LYPD6B: variants seen among roughly 807,000 people sequenced by gnomAD.
LYPD6B encodes the protein ly6/PLAUR domain-containing protein 6B.
LYPD6B carries 17 observed loss-of-function variants against 22.8 expected under a neutral mutation model. That is an observed-to-expected ratio of 0.75 (90% confidence interval 0.51 to 1.12). The LOEUF (loss-of-function observed/expected upper bound fraction) is 1.12, where lower values mean the gene tolerates loss of function less well. Among genes scored for constraint, LYPD6B ranks in the 50% most tolerant of loss-of-function variants. LYPD6B has a pLI of 0.00. For missense variants in LYPD6B, 221 were observed against 258.3 expected (o/e 0.86, Z 0.99); for synonymous variants, 106 against 91.6 (o/e 1.16, Z -0.90).
intron 1 of LYPD6B, among the ~76,000 whole-genome samples, chr2:149,104,157 G>GC (rs1686354176): frequency 6.6e-6 from 1 of 152,112 alleles, no homozygotes; most frequent in African/African-American, 2.4e-5. Context: ...TTTGCCTGTT[G>GC]ATGGACATTT....
chr2:149,074,268 G>GCACA (rs60123351), intron 1 of LYPD6B, among the ~76,000 whole-genome samples: 15 of 150,540 alleles, frequency 1.0e-4, no homozygotes, highest in East Asian at 7.8e-4. Flanking sequence ...ACGCATGCAT[G>GCACA]CACACACACA....
chr2:149,160,819 A>G lies in LYPD6B; in HGVS notation c.61A>G (p.Thr21Ala), dbSNP rs1355227802. 1.3e-6 allele frequency: 2 copies of G among 1,554,042 alleles called. No homozygotes were observed. The highest frequency in any genetic ancestry group is 2.4e-5 in the East Asian group (1 of 41,436). The change falls in exon 3 of 7, where the codon ACA (threonine) becomes GCA (alanine). Residue 21 changes from threonine to alanine, a missense_variant. By Grantham distance (58) the Thr-to-Ala change is moderately conservative. Transcript: ENST00000409642. The part of the protein sequence containing the change: ...FTVPERSLTT[T>A]FSFSRYKSSD... ...TGTTCCAGAGAGGAGCCTGACAACC[A>G]CATTCTCCTTCTCAAGGTAAGAATG...
At chr2:149,064,124 T>C (rs1684218611) in intron 1 of LYPD6B, among the ~76,000 whole-genome samples, 2 of 152,332 alleles carry the variant, frequency 1.3e-5, no homozygotes, top group African/African-American at 4.8e-5. Flanking sequence ...AACCAGCTTT[T>C]CTGATATAGC....
chr2:149,083,777 C>T lies in LYPD6B; in HGVS notation c.-67+44976C>T, dbSNP rs566339770. ...AGCTGATGACTAGTGGATCTTTCCGCTGTAGAAGTACACTTTAGGCCGGGT... is the reference window on the plus strand; with the variant it reads ...AGCTGATGACTAGTGGATCTTTCCGTTGTAGAAGTACACTTTAGGCCGGGT... On this transcript the variant is annotated intron_variant, in intron 1 of 6. Transcript: ENST00000409642. Among the ~76,000 whole-genome samples, 10 of 152,214 alleles carry T rather than the reference C, an allele frequency of 6.6e-5. No homozygotes were observed. In the South Asian group the frequency reaches 2.1e-3, roughly 32 times the overall value.
At chr2:149,073,827 C>CCTCT (rs564872235) in intron 1 of LYPD6B, among the ~76,000 whole-genome samples, 284 of 151,910 alleles carry the variant, frequency 1.9e-3, no homozygotes, top group African/African-American at 6.6e-3. Context: ...TGTTGCTGAT[C>CCTCT]CTCTGAGTTA....
intron 1 of LYPD6B, among the ~76,000 whole-genome samples, chr2:149,091,855 T>C (rs927433619): frequency 6.6e-6 from 1 of 152,198 alleles, no homozygotes. Flanking sequence ...TTTTAAGATA[T>C]GTGACAAATT....
chr2:149,178,910 T>C (rs2105975579), intron 3 of LYPD6B, among the ~76,000 whole-genome samples: 1 of 152,330 alleles, frequency 6.6e-6, no homozygotes, highest in East Asian at 1.9e-4. Context: ...GATTGCTTTT[T>C]AAAATCAAGC....
In LYPD6B at chr2:149,184,068, T is replaced by C. The variant is rs191067671; in HGVS notation, c.78-21185T>C. ...TTAGCCGGGCATGGTGGCGCATGCC[T>C]GTGATCCCAGCTACTCGGGAGGCTG... is the stretch of plus-strand genomic sequence containing the variant. On this transcript the variant is annotated intron_variant, in intron 3 of 6. Coordinates refer to ENST00000409642, the MANE Select transcript of LYPD6B (RefSeq NM_177964.5). Among the ~76,000 whole-genome samples the C allele has an allele frequency of 9.0e-3, 1,363 of 152,138 alleles. 16 individuals are homozygous for C. The highest frequency in any genetic ancestry group is 0.015 in the Non-Finnish European group (1,044 of 68,008).
chr2:149,074,965 T>G (rs1465630221), intron 1 of LYPD6B, among the ~76,000 whole-genome samples: 1 of 152,238 alleles, frequency 6.6e-6, no homozygotes, highest in Non-Finnish European at 1.5e-5. Flanking sequence ...GTCATATATA[T>G]TTTGTTAATA....
At chr2:149,113,307 G>T (rs1686849778) in intron 1 of LYPD6B, among the ~76,000 whole-genome samples, 2 of 152,118 alleles carry the variant, frequency 1.3e-5, no homozygotes, top group South Asian at 4.1e-4. Context: ...CCTACTTAAA[G>T]GATGTGGAAT....
intron 1 of LYPD6B, among the ~76,000 whole-genome samples, chr2:149,047,065 C>G (rs1683341268): frequency 6.6e-6 from 1 of 152,170 alleles, no homozygotes; most frequent in Non-Finnish European, 1.5e-5. Flanking sequence ...TTGCTTACTC[C>G]TGCTTTAGAC....
chr2:149,061,972 C>CT (rs780959897), intron 1 of LYPD6B, among the ~76,000 whole-genome samples: 2,410 of 142,650 alleles, frequency 0.017, 60 homozygotes, highest in African/African-American at 0.055. Context: ...ATCGTAGAAT[C>CT]TTTTTTTTTT....
chr2:149,138,450 G>A (rs918160719), intron 2 of LYPD6B, among the ~76,000 whole-genome samples: 10 of 152,216 alleles, frequency 6.6e-5, no homozygotes, highest in African/African-American at 2.2e-4. Context: ...TGCAGATGTG[G>A]ATGGGAAAAT....
intron 1 of LYPD6B, among the ~76,000 whole-genome samples, chr2:149,120,527 C>T (rs1256320808): frequency 4.5e-4 from 67 of 147,560 alleles, no homozygotes; most frequent in African/African-American, 1.2e-3. Flanking sequence ...GGACTACAGG[C>T]GCCCGCCACC....
At chr2:149,146,782 A>G (rs1195196321) in intron 2 of LYPD6B, among the ~76,000 whole-genome samples, 1 of 151,886 alleles carries the variant, frequency 6.6e-6, no homozygotes, top group Non-Finnish European at 1.5e-5. Context: ...GTAACAAACA[A>G]TAGGCACTGG....
intron 3 of LYPD6B, among the ~76,000 whole-genome samples, chr2:149,199,949 C>T (rs996408424): frequency 6.6e-6 from 1 of 152,218 alleles, no homozygotes; most frequent in Non-Finnish European, 1.5e-5. Context: ...AGTTGCCAAC[C>T]TGGCCTAACA....
intron 3 of LYPD6B, among the ~76,000 whole-genome samples, chr2:149,166,954 C>G (rs903769200): frequency 3.9e-5 from 6 of 152,122 alleles, no homozygotes; most frequent in African/African-American, 1.2e-4. Flanking sequence ...ACCACGACAT[C>G]CTAGGGTTAT....
intron 2 of LYPD6B, among the ~76,000 whole-genome samples, chr2:149,157,573 G>GT (rs1305495724): frequency 1.3e-5 from 2 of 152,194 alleles, no homozygotes; most frequent in Non-Finnish European, 2.9e-5. Context: ...AAAAATGGTT[G>GT]TTTTTTGTTG....
intron 3 of LYPD6B, among the ~76,000 whole-genome samples, chr2:149,170,056 G>A (rs149411617): frequency 1.9e-3 from 287 of 152,290 alleles, no homozygotes; most frequent in African/African-American, 6.5e-3. Context: ...TATTTCATAG[G>A]CCCAGGTCTT....
Sources: gnomAD v4.1 joint callset for allele counts (sites outside exome capture counted in the v4.1 genomes callset) on GRCh38, gnomAD v4.1.1 for gene constraint, MANE v1.5 for transcripts, NCBI Gene and HGNC (gene_info 2026-07-23, HGNC 2026-07-21) for gene names.